SOX5: variants seen among roughly 807,000 people sequenced by gnomAD.
SOX5 encodes the protein SRY-box transcription factor 5, also known as transcription factor SOX-5.
SOX5 carries 9 observed loss-of-function variants against 92.0 expected under a neutral mutation model. The ratio of observed to expected loss-of-function variants is 0.10; its 90% CI spans 0.06 to 0.17. SOX5 has a LOEUF of 0.17. Ranked by LOEUF, SOX5 falls within the 10% of genes least tolerant of loss-of-function variation. The pLI, the probability that SOX5 is intolerant of heterozygous loss-of-function variation, is 1.00. For synonymous variants in SOX5, 344 were observed against 336.3 expected (o/e 1.02, Z -0.25); for missense variants, 642 against 944.5 (o/e 0.68, Z 4.20).
intron 1 of SOX5, among the ~76,000 whole-genome samples, chr12:24,483,440 A>G (rs919301539): frequency 2.0e-5 from 3 of 152,210 alleles, no homozygotes; most frequent in African/African-American, 2.4e-5. Flanking sequence ...TAAATGCACC[A>G]TAAGTTTTCC....
chr12:24,047,701 C>T (rs939888959), intron 4 of SOX5, among the ~76,000 whole-genome samples: 1 of 152,206 alleles, frequency 6.6e-6, no homozygotes. Flanking sequence ...CATTCTCTAA[C>T]TAGAAATTAT....
chr12:24,039,685 T>G (rs895323969), intron 4 of SOX5, among the ~76,000 whole-genome samples: 1 of 152,138 alleles, frequency 6.6e-6, no homozygotes, highest in African/African-American at 2.4e-5. Context: ...CAATAAAAAT[T>G]TTGTCCATAT....
At chr12:23,898,277 A>G (rs1165476397) in intron 1 of SOX5, among the ~76,000 whole-genome samples, 1 of 152,134 alleles carries the variant, frequency 6.6e-6, no homozygotes, top group African/African-American at 2.4e-5. Context: ...TTGTTATACA[A>G]ACGTTAGCAT....
chr12:23,927,682 A>G (rs1940354562), intron 1 of SOX5, among the ~76,000 whole-genome samples: 1 of 152,054 alleles, frequency 6.6e-6, no homozygotes, highest in Admixed American at 6.6e-5. Flanking sequence ...TTTTTCTAAA[A>G]AAGAAACTAC....
At chr12:24,002,694 T>C (rs1466429473) in intron 4 of SOX5, among the ~76,000 whole-genome samples, 1 of 152,066 alleles carries the variant, frequency 6.6e-6, no homozygotes, top group East Asian at 1.9e-4. Context: ...TGTTTAATAT[T>C]TCCACAATGC....
chr12:24,546,793 T>C (rs1204279816), intron 1 of SOX5, among the ~76,000 whole-genome samples: 1 of 152,190 alleles, frequency 6.6e-6, no homozygotes, highest in African/African-American at 2.4e-5. Context: ...CTACCAGTAA[T>C]AAAATGGTCC....
In SOX5 at chr12:24,088,962, T is replaced by A. The variant is rs541918449; in HGVS notation, c.-2+124381A>T. 2.0e-5 allele frequency among the ~76,000 whole-genome samples: 3 copies of A among 152,192 alleles called. No homozygotes were observed. In the East Asian group the frequency reaches 5.8e-4, roughly 29 times the overall value. On this transcript the variant is annotated intron_variant, in intron 4 of 4. Transcript: ENST00000446891. ...CAATTTCTTTAAGAATGAAACAGGA[T>A]ATTCCACTATTGATGTTTATGCCTG...
At chr12:24,070,470 T>C (rs1041539557) in intron 4 of SOX5, among the ~76,000 whole-genome samples, 3 of 152,118 alleles carry the variant, frequency 2.0e-5, no homozygotes, top group Non-Finnish European at 2.9e-5. Context: ...TGTGCCAAAC[T>C]GAAACAATGG....
At chr12:24,093,935 G>A (rs576839307) in intron 4 of SOX5, among the ~76,000 whole-genome samples, 14 of 152,058 alleles carry the variant, frequency 9.2e-5, no homozygotes, top group Non-Finnish European at 1.6e-4. Context: ...TTGAAATTGT[G>A]TATCTTTTTT....
chr12:23,920,935 GCTA>G (rs1212036811), intron 1 of SOX5, among the ~76,000 whole-genome samples: 1 of 152,088 alleles, frequency 6.6e-6, no homozygotes, highest in East Asian at 1.9e-4. Context: ...ACTAGATAAA[GCTA>G]CTATTTACAC....
intron 1 of SOX5, among the ~76,000 whole-genome samples, chr12:24,554,344 T>G (rs1953535734): frequency 6.6e-6 from 1 of 152,200 alleles, no homozygotes. Flanking sequence ...GGAAACACAC[T>G]GTCAAAAGTA....
At chr12:23,717,027 C>T (rs2092544705) in intron 6 of SOX5, among the ~76,000 whole-genome samples, 1 of 152,162 alleles carries the variant, frequency 6.6e-6, no homozygotes, top group Non-Finnish European at 1.5e-5. Context: ...AGCTGATGCT[C>T]CTTATCCCTT....
intron 2 of SOX5, among the ~76,000 whole-genome samples, chr12:24,363,032 C>T (rs1020662940): frequency 6.6e-6 from 1 of 151,906 alleles, no homozygotes; most frequent in African/African-American, 2.4e-5. Flanking sequence ...CTATTACACA[C>T]TATATAAAAA....
intron 3 of SOX5, among the ~76,000 whole-genome samples, chr12:23,774,091 G>C (rs541456908): frequency 6.6e-6 from 1 of 152,262 alleles, no homozygotes; most frequent in Non-Finnish European, 1.5e-5. Context: ...GAGAGACAGA[G>C]ACAAAAACGG....
chr12:23,749,197 GA>G (rs552041898), intron 4 of SOX5, among the ~76,000 whole-genome samples: 64 of 151,850 alleles, frequency 4.2e-4, no homozygotes, highest in African/African-American at 1.4e-3. Flanking sequence ...CATTAAGAAA[GA>G]ATTTAATCAG....
chr12:24,280,346 G>T (rs375140010), intron 2 of SOX5, among the ~76,000 whole-genome samples: 1 of 152,136 alleles, frequency 6.6e-6, no homozygotes, highest in African/African-American at 2.4e-5. Context: ...GGAGGAGCAC[G>T]CAGGTAGCTT....
intron 1 of SOX5, among the ~76,000 whole-genome samples, chr12:24,461,028 T>G (rs938612247): frequency 1.3e-5 from 2 of 152,212 alleles, no homozygotes; most frequent in Admixed American, 1.3e-4. Flanking sequence ...ACCAATAGAT[T>G]CTTGCTGTCC....
chr12:23,672,796 A>G (rs1477267368), intron 6 of SOX5, among the ~76,000 whole-genome samples: 2 of 152,176 alleles, frequency 1.3e-5, no homozygotes, highest in Admixed American at 1.3e-4. Flanking sequence ...CCACTTTCAA[A>G]GGATATAGAA....
rs111394420 is a variant in SOX5, at chr12:24,424,559, C to T, written c.-250-55920G>A. ...CTTGGGGGCACTTGTCTTCCCCCCA[C>T]CCCCCAAGTTACTAGTAAGTTCACC... On this transcript the variant is annotated intron_variant, in intron 1 of 4. Coordinates refer to the SOX5 transcript ENST00000446891. Among the ~76,000 whole-genome samples, 876 of 152,070 alleles carry T rather than the reference C, an allele frequency of 5.8e-3. 8 individuals are homozygous for T. The highest frequency in any genetic ancestry group is 0.02 in the African/African-American group (846 of 41,478).
Sources: allele counts gnomAD v4.1 joint callset (sites outside exome capture counted in the v4.1 genomes callset), GRCh38; gene constraint gnomAD v4.1.1; transcripts MANE v1.5; gene names NCBI Gene and HGNC (gene_info 2026-07-23, HGNC 2026-07-21).